Variants in DAAM2 observed in about 807,000 individuals in gnomAD.
The protein encoded by DAAM2 is dishevelled associated activator of morphogenesis 2.
Under a neutral mutation model 120.7 loss-of-function variants are expected in DAAM2, and 39 were observed. The observed-to-expected ratio is 0.32, with a 90% CI of 0.25 to 0.42. The LOEUF (loss-of-function observed/expected upper bound fraction) is 0.42. DAAM2 is among the 10% of genes least tolerant of loss of function. DAAM2 has a pLI of 1.00. For missense variants in DAAM2, 1,283 were observed against 1,401.7 expected, an observed-to-expected ratio of 0.92 and a Z score of 1.35; for synonymous variants, 488 against 524.9, an observed-to-expected ratio of 0.93 and a Z score of 0.96.
intron 15 of DAAM2, chr6:39,885,582 CTTGGTGAG>C (rs1765340175): frequency 6.6e-6 from 1 of 152,416 alleles, no homozygotes; most frequent in Non-Finnish European, 1.5e-5. Flanking sequence ...GGCCTCCCAG[CTTGGTGAG>C]TTGAGAAGAG....
At chr6:39,816,176 C>G (rs1262271292) in intron 1 of DAAM2, among the ~76,000 whole-genome samples, 2 of 152,182 alleles carry the variant, frequency 1.3e-5, no homozygotes, top group Non-Finnish European at 2.9e-5. Context: ...GAATTTGATC[C>G]AGGAGTCTGG....
intron 1 of DAAM2, among the ~76,000 whole-genome samples, chr6:39,850,323 G>C (rs1763760628): frequency 1.3e-5 from 2 of 152,006 alleles, no homozygotes; most frequent in Non-Finnish European, 2.9e-5. Context: ...CTCAATGTCT[G>C]CTCCTCCTGG....
At chr6:39,856,598 G>A (rs1764015891) in intron 2 of DAAM2, 128 bp downstream of exon 2, 2 of 681,926 alleles carry the variant, frequency 2.9e-6, no homozygotes, top group East Asian at 3.4e-5. Context: ...GGAGGAGATA[G>A]GCCCCCAGGA....
At chr6:39,883,121 C>A (rs1765205996) in intron 14 of DAAM2, among the ~76,000 whole-genome samples, 2 of 151,620 alleles carry the variant, frequency 1.3e-5, no homozygotes, top group South Asian at 4.2e-4. Flanking sequence ...GTTGGAACAC[C>A]CTGTCAGGAG....
chr6:39,831,205 C>G (rs1327634792), intron 1 of DAAM2, among the ~76,000 whole-genome samples: 1 of 152,110 alleles, frequency 6.6e-6, no homozygotes, highest in Non-Finnish European at 1.5e-5. Context: ...AATATACATT[C>G]TTGTGGGAGG....
At chr6:39,825,942 C>A (rs1049737089) in intron 1 of DAAM2, among the ~76,000 whole-genome samples, 2 of 152,208 alleles carry the variant, frequency 1.3e-5, no homozygotes. Flanking sequence ...CTTTGTGAAT[C>A]TCTTAATTTC....
rs1764500171 is a variant in DAAM2, at chr6:39,867,982, G to A, written c.762+139G>A. ...TGGTCTGCATGCCTGCTCCTGGAAG[G>A]TAACAGGTGAAGAGTACTGGGACCT... On this transcript the variant is annotated intron_variant, in intron 6 of 24. Transcript: ENST00000274867. The A allele has an allele frequency of 4.0e-6, 3 of 758,864 alleles. No homozygotes were observed. In the South Asian group the frequency reaches 5.3e-5, roughly 13 times the overall value. 47.0% of individuals were successfully genotyped at this position (758,864 alleles called of 1,614,324 possible).
chr6:39,879,008 T>G (rs1764994987), intron 13 of DAAM2, among the ~76,000 whole-genome samples, 170 bp from the exon 14 acceptor site: 2 of 151,954 alleles, frequency 1.3e-5, no homozygotes, highest in South Asian at 4.2e-4. Flanking sequence ...TTGCGTGTGT[T>G]AGATGTTTGG....
intron 1 of DAAM2, among the ~76,000 whole-genome samples, chr6:39,830,196 G>T (rs1047139446): frequency 1.3e-5 from 2 of 152,226 alleles, no homozygotes; most frequent in Non-Finnish European, 2.9e-5. Flanking sequence ...GGCAATGCTG[G>T]ACTGCATTTA....
chr6:39,890,965 A>C (rs556909688), intron 17 of DAAM2, among the ~76,000 whole-genome samples: 28 of 152,134 alleles, frequency 1.8e-4, no homozygotes, highest in African/African-American at 6.3e-4. Context: ...TATGTGCTAC[A>C]TGCCTATATT....
chr6:39,838,776 T>G (rs1463564560), intron 1 of DAAM2, among the ~76,000 whole-genome samples: 2 of 152,162 alleles, frequency 1.3e-5, no homozygotes, highest in Non-Finnish European at 2.9e-5. Flanking sequence ...CTCCTGTCTC[T>G]GCCTCCTGAG....
At chr6:39,876,150 G>C (rs1470340478) in intron 11 of DAAM2, among the ~76,000 whole-genome samples, 1 of 152,066 alleles carries the variant, frequency 6.6e-6, no homozygotes, top group East Asian at 1.9e-4. Context: ...TATTGATCTT[G>C]GATAGAGAAA....
intron 1 of DAAM2, among the ~76,000 whole-genome samples, chr6:39,837,613 A>G (rs1461325693): frequency 6.3e-5 from 9 of 142,666 alleles, no homozygotes. Flanking sequence ...TGGTGAGCCG[A>G]GATCGCACCA....
At chr6:39,882,585 G>A (rs1392907407) in intron 14 of DAAM2, among the ~76,000 whole-genome samples, 1 of 151,904 alleles carries the variant, frequency 6.6e-6, no homozygotes, top group African/African-American at 2.4e-5. Flanking sequence ...TTCAGCCAGC[G>A]CCGTCCCTGC....
chr6:39,887,892 C>T (rs1170353965), intron 16 of DAAM2: 4 of 354,582 alleles, frequency 1.1e-5, no homozygotes, highest in Non-Finnish European at 2.1e-5. Context: ...AGCCCCTAAG[C>T]ATTTCCCGCG....
At chr6:39,896,325 C>T (rs1766087815) in intron 19 of DAAM2, among the ~76,000 whole-genome samples, 1 of 151,966 alleles carries the variant, frequency 6.6e-6, no homozygotes, top group Non-Finnish European at 1.5e-5. Flanking sequence ...GCTTTGGCTT[C>T]CCAAGCATCT....
chr6:39,864,520 C>T lies in DAAM2; in HGVS notation c.333+13C>T, dbSNP rs762987264. The T allele has an allele frequency of 1.3e-6, 2 of 1,599,126 alleles. No individual in the cohort carries two copies. Among genetic ancestry groups the T allele is most frequent in the Non-Finnish European group, 1.7e-6 (2 of 1,172,944 alleles). On this transcript the variant is annotated intron_variant, in intron 4 of 24. Transcript: ENST00000274867. The stretch of plus-strand genomic sequence containing the variant: ...TTCCATGGCTGCGGTGAGTGGCTGC[C>T]CCTCTCCTGCCCTGCCCCCACCTGG...
At chr6:39,798,405 C>T (rs1761762577) in intron 1 of DAAM2, among the ~76,000 whole-genome samples, 2 of 152,264 alleles carry the variant, frequency 1.3e-5, no homozygotes, top group South Asian at 2.1e-4. Context: ...TAGCAATCAG[C>T]CACATAGAGA....
chr6:39,867,168 C>T (rs754598736), intron 5 of DAAM2: 15 of 250,528 alleles, frequency 6.0e-5, no homozygotes, highest in East Asian at 9.3e-5. Flanking sequence ...CTTTGTTATC[C>T]GACTGTAATT....
Sources: gnomAD v4.1 joint callset for allele counts (sites outside exome capture counted in the v4.1 genomes callset) on GRCh38, gnomAD v4.1.1 for gene constraint, MANE v1.5 for transcripts, NCBI Gene and HGNC (gene_info 2026-07-23, HGNC 2026-07-21) for gene names.